The following ADAMTS9 variants were observed in gnomAD, a reference collection of about 807,000 sequenced individuals.
ADAMTS9 encodes A disintegrin and metalloproteinase with thrombospondin motifs 9.
A neutral mutation model predicts 257.1 loss-of-function variants in ADAMTS9; 107 were observed. That is an observed-to-expected ratio of 0.42 (90% CI 0.36 to 0.49). ADAMTS9 has a LOEUF of 0.49. ADAMTS9 is among the 20% of genes least tolerant of loss of function. The probability of loss-of-function intolerance (pLI) is 0.03; values close to 1 mark genes in which losing one functional copy is unlikely to be tolerated. For synonymous variants in ADAMTS9, 982 were observed against 880.9 expected, an observed-to-expected ratio of 1.11 and a Z score of -2.03; for missense variants, 2,353 against 2,469.1, an observed-to-expected ratio of 0.95 and a Z score of 1.00.
intron 3 of ADAMTS9, among the ~76,000 whole-genome samples, chr3:64,666,128 G>T (rs2106997767): frequency 6.6e-6 from 1 of 152,160 alleles, no homozygotes; most frequent in Admixed American, 6.5e-5. Flanking sequence ...TTTAACATCT[G>T]CTGATTTATT....
intron 31 of ADAMTS9, among the ~76,000 whole-genome samples, chr3:64,547,574 A>G (rs1286107881): frequency 7.3e-6 from 1 of 136,938 alleles, no homozygotes; most frequent in Non-Finnish European, 1.5e-5. Flanking sequence ...GTGCAGTGAC[A>G]TGATCTCCGC....
At chr3:64,623,972 C>G (rs1700167812) in intron 16 of ADAMTS9, among the ~76,000 whole-genome samples, 1 of 146,276 alleles carries the variant, frequency 6.8e-6, no homozygotes, top group Non-Finnish European at 1.5e-5. Flanking sequence ...AAATGTTGGC[C>G]AAATGAGAAC....
chr3:64,639,800 G>T (rs955786058), intron 12 of ADAMTS9, among the ~76,000 whole-genome samples: 5 of 152,088 alleles, frequency 3.3e-5, no homozygotes, highest in African/African-American at 1.2e-4. Context: ...AAGCAACAAG[G>T]ATGCATAGCT....
At chr3:64,670,517 T>G (rs1356594503) in intron 3 of ADAMTS9, among the ~76,000 whole-genome samples, 1 of 152,214 alleles carries the variant, frequency 6.6e-6, no homozygotes, top group Non-Finnish European at 1.5e-5. Flanking sequence ...CATGAAGTAT[T>G]GGCGATAAAA....
chr3:64,580,994 A>G (rs188510801), intron 28 of ADAMTS9, among the ~76,000 whole-genome samples: 3 of 152,208 alleles, frequency 2.0e-5, no homozygotes, highest in African/African-American at 7.2e-5. Context: ...CTGTATAATT[A>G]TTGGGAACCT....
chr3:64,564,909 C>A (rs1440759003), intron 29 of ADAMTS9, among the ~76,000 whole-genome samples: 1 of 152,048 alleles, frequency 6.6e-6, no homozygotes, highest in South Asian at 2.1e-4. Flanking sequence ...AAAAACAAAA[C>A]CAAAAACACA....
chr3:64,570,403 G>C (rs556451229), intron 28 of ADAMTS9, among the ~76,000 whole-genome samples: 1 of 152,274 alleles, frequency 6.6e-6, no homozygotes, highest in South Asian at 2.1e-4. Flanking sequence ...AAAGCTATGA[G>C]CTACAATTAT....
At chr3:64,557,429 T>C (rs537755077) in intron 30 of ADAMTS9, among the ~76,000 whole-genome samples, 1 of 152,330 alleles carries the variant, frequency 6.6e-6, no homozygotes, top group Non-Finnish European at 1.5e-5. Context: ...TTAAAAAGTC[T>C]TTTTTAACTT....
intron 10 of ADAMTS9, 103 bp from the exon 11 acceptor site, chr3:64,648,147 G>T: frequency 1.0e-6 from 1 of 991,738 alleles, no homozygotes; most frequent in South Asian, 1.6e-5. Flanking sequence ...AATGACATAG[G>T]GTAAGTGGGG....
At position 64,687,424 on chromosome 3, in the gene ADAMTS9, G is replaced by C; in HGVS notation, c.115+119C>G. 1.2e-6 allele frequency: 1 copy of C among 835,104 alleles called. No individual in the cohort carries two copies. 51.7% of individuals were successfully genotyped at this position (835,104 alleles called of 1,614,324 possible). ...AAAGAAGGGAGAGGCTGCAAAGCGG[G>C]AGATAATTCTTTCTAGGAAAAGGAG... On this transcript the variant is annotated intron_variant, in intron 1 of 39. Coordinates refer to ENST00000498707, the MANE Select transcript of ADAMTS9 (RefSeq NM_182920.2). The surrounding 1 kb of genome is among the most constrained non-coding windows in gnomAD (Gnocchi z 4.4).
At chr3:64,661,377 T>C (rs1701218167) in intron 3 of ADAMTS9, among the ~76,000 whole-genome samples, 1 of 152,228 alleles carries the variant, frequency 6.6e-6, no homozygotes, top group Non-Finnish European at 1.5e-5. Flanking sequence ...GTAGACTAGA[T>C]ATTAAACAAG....
intron 29 of ADAMTS9, among the ~76,000 whole-genome samples, chr3:64,566,547 T>G (rs1559767405): frequency 2.6e-5 from 4 of 152,210 alleles, no homozygotes; most frequent in Admixed American, 6.5e-5. Flanking sequence ...TTAAACCTAA[T>G]CATTTCAGCT....
intron 32 of ADAMTS9, among the ~76,000 whole-genome samples, chr3:64,542,573 A>G (rs1461435670): frequency 2.6e-5 from 4 of 151,964 alleles, no homozygotes; most frequent in Non-Finnish European, 5.9e-5. Flanking sequence ...GACTACAGGC[A>G]CGCACCACCT....
At chr3:64,650,104 G>C (rs1700894986) in intron 9 of ADAMTS9, 1 of 216,080 alleles carries the variant, frequency 4.6e-6, no homozygotes, top group Non-Finnish European at 9.1e-6. Context: ...GGCAAAGATA[G>C]TGTCTTTTTC....
intron 20 of ADAMTS9, 23 bp downstream of exon 20, chr3:64,615,937 T>C (rs184128213): frequency 3.1e-6 from 5 of 1,612,124 alleles, no homozygotes; most frequent in East Asian, 4.5e-5. Context: ...CCAAGAAGAC[T>C]CTTTGAGTGA....
intron 28 of ADAMTS9, among the ~76,000 whole-genome samples, chr3:64,575,970 G>C (rs1369600497): frequency 1.4e-4 from 21 of 152,150 alleles, no homozygotes; most frequent in Admixed American, 1.4e-3. Context: ...TTCTAACAGA[G>C]GCATTGATAG....
intron 28 of ADAMTS9, among the ~76,000 whole-genome samples, chr3:64,576,120 G>T (rs1046255518): frequency 1.3e-5 from 2 of 152,116 alleles, no homozygotes; most frequent in African/African-American, 4.8e-5. Context: ...CTCTCTTAGA[G>T]ACTATTACTT....
In ADAMTS9 at chr3:64,550,955, C is replaced by T. The variant is rs758780710; in HGVS notation, c.4806G>A (p.Val1602=). 18 of 1,614,088 alleles carry T rather than the reference C, an allele frequency of 1.1e-5. No homozygotes were observed. The Admixed American group carries it at 1.8e-4, about 16-fold the overall frequency. Reference sequence around the variant, plus strand: ...GTTGCAAACTACAGCTTTCACGGTCCACCGGCCGCTTGCTCACGTCACAGC... The same window carrying T: ...GTTGCAAACTACAGCTTTCACGGTCTACCGGCCGCTTGCTCACGTCACAGC... ...GARCDVSKRP[V]DRESCSLQPC... is the part of the protein sequence containing the mutation. The change falls in exon 31 of 40, where the codon GTG becomes GTA. Residue 1602 remains valine, a synonymous_variant. Transcript: ENST00000498707.
At chr3:64,631,597 T>C in intron 15 of ADAMTS9, 47 bp from the exon 16 acceptor site, 2 of 1,487,638 alleles carry the variant, frequency 1.3e-6, no homozygotes, top group South Asian at 1.1e-5. Context: ...AATGGTTCAC[T>C]TTCTCTAAGT....
Sources: gnomAD v4.1 joint callset for allele counts (sites outside exome capture counted in the v4.1 genomes callset) on GRCh38, gnomAD v4.1.1 for gene constraint, Gnocchi (gnomAD v3.1) non-coding constraint, MANE v1.5 for transcripts, NCBI Gene and HGNC (gene_info 2026-07-23, HGNC 2026-07-21) for gene names.